Variants in C4BPA observed in about 807,000 individuals in gnomAD.
C4BPA encodes complement component 4 binding protein alpha.
In C4BPA, 31 loss-of-function variants were observed where a neutral mutation model predicts 63.7. The ratio of observed to expected loss-of-function variants is 0.49; its 90% confidence interval spans 0.37 to 0.66. C4BPA has a LOEUF of 0.66. Ranked by LOEUF, C4BPA falls within the 30% of genes least tolerant of loss-of-function variation. The pLI is 0.00. For missense variants in C4BPA, 572 were observed against 723.3 expected (o/e 0.79, Z 2.40); for synonymous variants, 259 against 254.7 (o/e 1.02, Z -0.16).
At chr1:207,109,228 C>T (rs1056230745) in intron 1 of C4BPA, among the ~76,000 whole-genome samples, 1 of 152,200 alleles carries the variant, frequency 6.6e-6, no homozygotes, top group Non-Finnish European at 1.5e-5. Flanking sequence ...TCAGTGGATG[C>T]TCCTCTGCAC....
chr1:207,138,540 T>C (rs764901205), intron 9 of C4BPA, among the ~76,000 whole-genome samples: 5 of 152,178 alleles, frequency 3.3e-5, no homozygotes, highest in Non-Finnish European at 7.3e-5. Context: ...GGTGTAACTG[T>C]CCTGTTGACA....
chr1:207,107,363 C>G (rs1194817053), intron 1 of C4BPA, among the ~76,000 whole-genome samples: 1 of 152,154 alleles, frequency 6.6e-6, no homozygotes, highest in Non-Finnish European at 1.5e-5. Flanking sequence ...GCTTGAGCAA[C>G]ATAGTGAGAC....
chr1:207,121,875 A>T (rs1257739135), intron 4 of C4BPA, among the ~76,000 whole-genome samples: 3 of 152,036 alleles, frequency 2.0e-5, no homozygotes, highest in African/African-American at 7.2e-5. Context: ...GTAAATTTGT[A>T]TCATTTGTAT....
chr1:207,123,134 G>A (rs1411681781), intron 4 of C4BPA, among the ~76,000 whole-genome samples: 1 of 152,164 alleles, frequency 6.6e-6, no homozygotes, highest in African/African-American at 2.4e-5. Context: ...GAAACAACCA[G>A]AAACAATATT....
intron 2 of C4BPA, among the ~76,000 whole-genome samples, chr1:207,113,373 TA>T (rs1351138227): frequency 1.3e-5 from 2 of 152,236 alleles, no homozygotes; most frequent in East Asian, 1.9e-4. Context: ...CCTAGATTTT[TA>T]TTTCTCCAGG....
intron 6 of C4BPA, among the ~76,000 whole-genome samples, chr1:207,125,338 C>T (rs2102341652): frequency 6.6e-6 from 1 of 152,284 alleles, no homozygotes; most frequent in Non-Finnish European, 1.5e-5. Context: ...AATAAATGTG[C>T]TGCATTTTAG....
chr1:207,125,443 T>C (rs1340775261), intron 6 of C4BPA, among the ~76,000 whole-genome samples: 2 of 152,198 alleles, frequency 1.3e-5, no homozygotes, highest in African/African-American at 4.8e-5. Flanking sequence ...TCCAAACTCA[T>C]GATAAAACCT....
At chr1:207,140,446 A>G (rs1685388476) in intron 9 of C4BPA, among the ~76,000 whole-genome samples, 1 of 151,104 alleles carries the variant, frequency 6.6e-6, no homozygotes, top group Non-Finnish European at 1.5e-5. Context: ...TGTAGTACTT[A>G]TAACTGCCAT....
At chr1:207,130,119 A>G (rs939985464) in intron 7 of C4BPA, among the ~76,000 whole-genome samples, 1 of 152,206 alleles carries the variant, frequency 6.6e-6, no homozygotes. Context: ...CAAATTACTG[A>G]CATAATGACC....
intron 4 of C4BPA, among the ~76,000 whole-genome samples, chr1:207,121,836 C>CAT (rs1558090809): frequency 8.6e-5 from 13 of 151,348 alleles, no homozygotes; most frequent in African/African-American, 2.9e-4. Flanking sequence ...ATTCTTACCC[C>CAT]TCCTTCACCC....
chr1:207,111,846 T>C (rs1684674162), intron 1 of C4BPA, among the ~76,000 whole-genome samples: 1 of 152,200 alleles, frequency 6.6e-6, no homozygotes, highest in Admixed American at 6.5e-5. Flanking sequence ...GATGTCAAAG[T>C]AAAGGATGAA....
At chr1:207,123,053 T>C (rs1337285329) in intron 4 of C4BPA, among the ~76,000 whole-genome samples, 1 of 152,192 alleles carries the variant, frequency 6.6e-6, no homozygotes, top group Admixed American at 6.5e-5. Flanking sequence ...CCTTATTGTG[T>C]ATGGCTTCCA....
At chr1:207,136,222 C>T (rs1685276382) in intron 9 of C4BPA, among the ~76,000 whole-genome samples, 1 of 152,220 alleles carries the variant, frequency 6.6e-6, no homozygotes, top group East Asian at 1.9e-4. Flanking sequence ...TGGGCCCATG[C>T]TTGTCTTCCA....
intron 4 of C4BPA, among the ~76,000 whole-genome samples, chr1:207,117,315 G>A (rs1441692421): frequency 6.6e-6 from 1 of 152,124 alleles, no homozygotes; most frequent in African/African-American, 2.4e-5. Flanking sequence ...GCCGAGTGTG[G>A]TAGCACGCAC....
At chr1:207,126,163 A>T (rs192464265) in intron 6 of C4BPA, among the ~76,000 whole-genome samples, 1 of 152,022 alleles carries the variant, frequency 6.6e-6, no homozygotes, top group African/African-American at 2.4e-5. Flanking sequence ...GGAGCTATCC[A>T]CAGTCATCTC....
chr1:207,122,577 T>C (rs1684941900), intron 4 of C4BPA, among the ~76,000 whole-genome samples: 1 of 152,164 alleles, frequency 6.6e-6, no homozygotes, highest in African/African-American at 2.4e-5. Context: ...TTACTTGAAA[T>C]ATATATATTT....
chr1:207,118,868 G>C (rs1321656091), intron 4 of C4BPA, among the ~76,000 whole-genome samples: 1 of 152,112 alleles, frequency 6.6e-6, no homozygotes, highest in Non-Finnish European at 1.5e-5. Flanking sequence ...TGGAGAAATA[G>C]AACCGCAGGA....
chr1:207,110,091 G>A (rs541656051), intron 1 of C4BPA, among the ~76,000 whole-genome samples: 1 of 152,344 alleles, frequency 6.6e-6, no homozygotes, highest in Non-Finnish European at 1.5e-5. Flanking sequence ...AGCATACTCT[G>A]TCATTTCAAG....
Position 207,144,789 on chromosome 1 carries a change from C to A in C4BPA, c.*72C>A. On this transcript the variant is annotated 3_prime_UTR_variant, in exon 12 of 12. Transcript: ENST00000367070. ...TGCAATTCAATACAGATCAGTTTAG[C>A]AAATCTACTGTCAATTTGGCAGTGA... 2.2e-6 allele frequency: 2 copies of A among 927,664 alleles called. No homozygotes were observed. Among genetic ancestry groups the A allele is most frequent in the Non-Finnish European group, 3.1e-6 (2 of 653,460 alleles). The allele number at this position is 927,664 out of a possible 1,614,324, so 57.5% of individuals were successfully genotyped here. A position where few individuals can be genotyped will look rare whatever the true frequency, so the allele number is the denominator to read the frequency against.
Sources: gnomAD v4.1 joint callset for allele counts (sites outside exome capture counted in the v4.1 genomes callset) on GRCh38, gnomAD v4.1.1 for gene constraint, MANE v1.5 for transcripts, NCBI Gene and HGNC (gene_info 2026-07-23, HGNC 2026-07-21) for gene names.